SMIM35: variants seen among roughly 807,000 people sequenced by gnomAD.
The protein encoded by SMIM35 is small integral membrane protein 35, also known as TMPRSS4 antisense RNA 1 (non-protein coding).
At chr11:118,045,555 C>T (rs763190321) in intron 1 of SMIM35, among the ~76,000 whole-genome samples, 1 of 152,054 alleles carries the variant, frequency 6.6e-6, no homozygotes, top group Non-Finnish European at 1.5e-5. Flanking sequence ...TTTTAAAGGT[C>T]AAAAACAGGT....
At chr11:118,046,446 A>G (rs992176968) in intron 1 of SMIM35, among the ~76,000 whole-genome samples, 2 of 152,112 alleles carry the variant, frequency 1.3e-5, no homozygotes, top group Non-Finnish European at 2.9e-5. Flanking sequence ...GCCCCAAAAA[A>G]CTGTAAGTCC....
intron 1 of SMIM35, among the ~76,000 whole-genome samples, chr11:118,019,169 A>T (rs535983954): frequency 5.1e-4 from 77 of 152,334 alleles, no homozygotes; most frequent in Admixed American, 2.2e-3. Context: ...TTCAAACTTT[A>T]TGAAAATTAT....
At chr11:118,078,013 C>CAAAAAAAAAAA (rs148383275) in intron 1 of SMIM35, among the ~76,000 whole-genome samples, 4 of 71,050 alleles carry the variant, frequency 5.6e-5, no homozygotes, top group African/African-American at 2.2e-4. Flanking sequence ...AACTCCGTCT[C>CAAAAAAAAAAA]AAAAAAAAAA....
intron 1 of SMIM35, among the ~76,000 whole-genome samples, chr11:118,067,866 T>C (rs924146789): frequency 2.6e-5 from 1 of 37,996 alleles, no homozygotes; most frequent in Non-Finnish European, 6.0e-5. Flanking sequence ...CAAACATATA[T>C]ATATATATAT....
intron 1 of SMIM35, among the ~76,000 whole-genome samples, chr11:118,080,478 C>A (rs1042871889): frequency 4.6e-5 from 7 of 152,198 alleles, no homozygotes; most frequent in Non-Finnish European, 8.8e-5. Context: ...TCCAGCCTGA[C>A]CCTGGGGGTC....
intron 1 of SMIM35, among the ~76,000 whole-genome samples, chr11:118,021,309 C>A (rs2058229139): frequency 6.6e-6 from 1 of 152,048 alleles, no homozygotes; most frequent in Non-Finnish European, 1.5e-5. Flanking sequence ...TCACTCTAAA[C>A]TTCAGTCTTA....
chr11:118,030,175 C>A (rs1161601657), intron 1 of SMIM35, among the ~76,000 whole-genome samples: 1 of 152,098 alleles, frequency 6.6e-6, no homozygotes, highest in Non-Finnish European at 1.5e-5. Flanking sequence ...GCTGGGATTA[C>A]AGGCATGCAT....
chr11:118,045,367 A>G (rs1944082319), intron 1 of SMIM35, among the ~76,000 whole-genome samples: 1 of 91,368 alleles, frequency 1.1e-5, no homozygotes, highest in African/African-American at 3.4e-5. Flanking sequence ...CACACTAGAG[A>G]GAGAGAAAGG....
At chr11:118,028,410 TATTTTTTCTTTG>T (rs2058291628) in intron 1 of SMIM35, among the ~76,000 whole-genome samples, 1 of 152,034 alleles carries the variant, frequency 6.6e-6, no homozygotes, top group African/African-American at 2.4e-5. Flanking sequence ...TATGATATGT[TATTTTTTCTTTG>T]ACATTTATCT....
intron 1 of SMIM35, among the ~76,000 whole-genome samples, chr11:118,068,367 G>A (rs1248297977): frequency 6.6e-6 from 1 of 152,090 alleles, no homozygotes; most frequent in African/African-American, 2.4e-5. Context: ...TCCTCTTAGA[G>A]TTTGCCAACA....
intron 1 of SMIM35, among the ~76,000 whole-genome samples, chr11:118,054,685 G>A (rs1258963095): frequency 6.6e-6 from 1 of 151,946 alleles, no homozygotes; most frequent in African/African-American, 2.4e-5. Flanking sequence ...ATTGTGTAAT[G>A]TACACTATAA....
At chr11:118,039,919 C>A (rs1943972547) in intron 1 of SMIM35, among the ~76,000 whole-genome samples, 1 of 151,806 alleles carries the variant, frequency 6.6e-6, no homozygotes, top group African/African-American at 2.4e-5. Context: ...GTGGCACAGG[C>A]CTGTAGTCCC....
chr11:118,008,057 A>G (rs989440239), intron 4 of SMIM35, among the ~76,000 whole-genome samples: 1 of 151,664 alleles, frequency 6.6e-6, no homozygotes, highest in Admixed American at 6.6e-5. Flanking sequence ...TTTAGCAGAG[A>G]TGGGTTTTCA....
At chr11:118,029,753 A>G in intron 1 of SMIM35, 1 of 457,404 alleles carries the variant, frequency 2.2e-6, no homozygotes, top group Non-Finnish European at 4.4e-6. Flanking sequence ...CCAGACTGCC[A>G]AAGCCCCCTT....
At chr11:118,063,122 A>C (rs1565396083) in intron 1 of SMIM35, among the ~76,000 whole-genome samples, 2 of 152,260 alleles carry the variant, frequency 1.3e-5, no homozygotes, top group African/African-American at 2.4e-5. Context: ...GCATATCATC[A>C]AGAAATAACC....
intron 1 of SMIM35, 56 bp from the exon 2 acceptor site, chr11:118,015,865 C>T: frequency 2.5e-6 from 1 of 399,450 alleles, no homozygotes; most frequent in Non-Finnish European, 4.4e-6. Flanking sequence ...AACCCACCTG[C>T]ACCACGTTCC....
At position 118,078,013 on chromosome 11, in the gene SMIM35, C is replaced by CA. The variant is rs148383275; in HGVS notation, c.7+8737dup. ...GGGCAACAAGAGTGAAACTCCGTCT[C>CA]AAAAAAAAAAAAAAAAAAAAAAAAA... is the stretch of plus-strand genomic sequence containing the variant. On this transcript the variant is annotated intron_variant, in intron 1 of 4. Transcript: ENST00000689828. Among the ~76,000 whole-genome samples the CA allele has an allele frequency of 9.5e-3, 678 of 71,006 alleles. 25 individuals carry two copies. Among genetic ancestry groups the CA allele is most frequent in the South Asian group, 0.019 (29 of 1,510 alleles). The allele number at this position is 71,006 out of a possible 152,430, so 46.6% of individuals were successfully genotyped here.
At chr11:118,081,278 G>C (rs2135214794) in intron 1 of SMIM35, among the ~76,000 whole-genome samples, 1 of 152,340 alleles carries the variant, frequency 6.6e-6, no homozygotes, top group Admixed American at 6.5e-5. Context: ...GAGGGGGATG[G>C]GCATGAGGGA....
At chr11:118,028,895 G>T in intron 1 of SMIM35, 1 of 427,780 alleles carries the variant, frequency 2.3e-6, no homozygotes, top group Non-Finnish European at 4.7e-6. Context: ...AAGGAGGAGG[G>T]GAAGGAGGAC....
Sources: allele counts gnomAD v4.1 joint callset (sites outside exome capture counted in the v4.1 genomes callset), GRCh38; gene constraint gnomAD v4.1.1; transcripts MANE v1.5; gene names NCBI Gene and HGNC (gene_info 2026-07-23, HGNC 2026-07-21).